PHF14: variants seen among roughly 807,000 people sequenced by gnomAD.
The protein encoded by PHF14 is PHD finger protein 14.
A neutral mutation model predicts 117.9 loss-of-function variants in PHF14; 55 were observed. The observed-to-expected ratio is 0.47, with a 90% confidence interval of 0.38 to 0.58. The LOEUF (loss-of-function observed/expected upper bound fraction) is 0.58. PHF14 is among the 20% of genes least tolerant of loss of function. PHF14 has a pLI of 0.00. For missense variants in PHF14, 978 were observed against 1,122.2 expected (o/e 0.87, Z 1.84); for synonymous variants, 409 against 368.6 (o/e 1.11, Z -1.26).
At chr7:11,137,711 G>A (rs1205591883) in intron 17 of PHF14, among the ~76,000 whole-genome samples, 2 of 146,056 alleles carry the variant, frequency 1.4e-5, no homozygotes, top group African/African-American at 2.5e-5. Flanking sequence ...TCAGCCTCCC[G>A]ATTAGGTGGG....
At chr7:11,055,423 C>T (rs1337095725) in intron 14 of PHF14, among the ~76,000 whole-genome samples, 6 of 152,120 alleles carry the variant, frequency 3.9e-5, no homozygotes, top group South Asian at 2.1e-4. Flanking sequence ...TTTACACACA[C>T]GCATGCATCA....
chr7:11,016,120 C>T (rs547687564), intron 5 of PHF14, among the ~76,000 whole-genome samples: 11 of 152,010 alleles, frequency 7.2e-5, no homozygotes, highest in South Asian at 2.1e-4. Context: ...ATACTGTGGA[C>T]GTTACATAAG....
Position 11,036,501 on chromosome 7 carries a change from G to A in PHF14, c.1686G>A (p.Arg562=), listed in dbSNP as rs1427013978. The A allele has an allele frequency of 1.2e-6, 2 of 1,613,892 alleles. No individual in the cohort carries two copies. Among genetic ancestry groups the A allele is most frequent in the Non-Finnish European group, 1.7e-6 (2 of 1,179,834 alleles). ...CCAGACCCCAGGCCTGGGTTCCAAG[G>A]GAAAAATTGCCCAGACCACTCACCA... ...RSTRPQAWVP[R]EKLPRPLTSS... Residue 562 remains arginine (R), a synonymous_variant, in exon 9 of 18, where the codon AGG becomes AGA. Coordinates refer to ENST00000634607, the MANE Select transcript of PHF14 (RefSeq NM_001007157.2).
intron 16 of PHF14, among the ~76,000 whole-genome samples, chr7:11,087,941 C>A (rs944544362): frequency 1.3e-5 from 2 of 152,116 alleles, no homozygotes; most frequent in African/African-American, 4.8e-5. Context: ...TTACCCAGGG[C>A]AATTATTTAT....
intron 17 of PHF14, among the ~76,000 whole-genome samples, chr7:11,148,729 C>A (rs1022956044): frequency 6.6e-6 from 1 of 152,094 alleles, no homozygotes; most frequent in Non-Finnish European, 1.5e-5. Flanking sequence ...AATAGACAAA[C>A]ATTTATATAA....
At chr7:11,036,888 A>G (rs374790837) in intron 9 of PHF14, 97 bp from the exon 10 acceptor site, 1 of 975,536 alleles carries the variant, frequency 1.0e-6, no homozygotes, top group Non-Finnish European at 1.5e-6. Flanking sequence ...GTTTTAAACT[A>G]TGTAGGTTTA....
At chr7:11,084,960 A>G (rs1249884467) in intron 16 of PHF14, among the ~76,000 whole-genome samples, 1 of 151,938 alleles carries the variant, frequency 6.6e-6, no homozygotes, top group African/African-American at 2.4e-5. Flanking sequence ...ATATCTTTGT[A>G]TAAGTTGCAA....
chr7:11,134,679 T>C (rs1465350409), intron 17 of PHF14, among the ~76,000 whole-genome samples: 1 of 152,080 alleles, frequency 6.6e-6, no homozygotes, highest in Non-Finnish European at 1.5e-5. Context: ...GTCAGTGTTC[T>C]TTCTGCCATC....
intron 16 of PHF14, chr7:11,111,039 G>A (rs759091091): frequency 5.4e-6 from 1 of 186,206 alleles, no homozygotes; most frequent in Non-Finnish European, 1.1e-5. Flanking sequence ...TGAAATTGTT[G>A]TGGTTGTTTT....
rs1284533786 is a variant in PHF14, at chr7:11,157,384, G to T, written c.2773-12032G>T. 8.5e-5 allele frequency among the ~76,000 whole-genome samples: 9 copies of T among 105,390 alleles called. No individual in the cohort carries two copies. The East Asian group carries it at 3.9e-3, about 45-fold the overall frequency. 69.1% of individuals were successfully genotyped at this position (105,390 alleles called of 152,430 possible). A position where few individuals can be genotyped will look rare whatever the true frequency, so the allele number is the denominator to read the frequency against. On this transcript the variant is annotated intron_variant, in intron 17 of 17. Coordinates refer to ENST00000634607, the MANE Select transcript of PHF14 (RefSeq NM_001007157.2). The stretch of plus-strand genomic sequence containing the variant: ...TCAATACAATAAAGTCTGTCAATGG[G>T]TTACCAAAAAAAAAAAATAGGTGTT...
rs111658295 is a variant in PHF14 at position 11,145,840 on chromosome 7, A to G, written c.2773-23576A>G. The stretch of plus-strand genomic sequence containing the variant: ...TTTAATTTTTTGCTCTTTTACTTCT[A>G]TCGTATACGTTATACATTACCATAT... On this transcript the variant is annotated intron_variant, in intron 17 of 17. Transcript: ENST00000634607. Among the ~76,000 whole-genome samples, 956 of 152,162 alleles carry G rather than the reference A, an allele frequency of 6.3e-3. 7 individuals carry two copies. The highest frequency in any genetic ancestry group is 0.022 in the African/African-American group (911 of 41,554).
At chr7:11,106,123 T>C in intron 16 of PHF14, 1 of 983,864 alleles carries the variant, frequency 1.0e-6, no homozygotes, top group Non-Finnish European at 1.2e-6. Flanking sequence ...ATGAATTGTT[T>C]TGTCTCATCT....
chr7:11,046,518 T>A (rs1784669392), intron 13 of PHF14, among the ~76,000 whole-genome samples: 1 of 152,198 alleles, frequency 6.6e-6, no homozygotes, highest in South Asian at 2.1e-4. Flanking sequence ...TTGTTTTTCT[T>A]GATAATTTGT....
intron 5 of PHF14, among the ~76,000 whole-genome samples, chr7:11,018,721 A>T (rs1783617491): frequency 6.6e-6 from 1 of 152,084 alleles, no homozygotes; most frequent in South Asian, 2.1e-4. Flanking sequence ...TCCAATTTGG[A>T]TGCCCTTTTT....
chr7:10,983,056 G>A lies in PHF14; in HGVS notation c.797G>A (p.Gly266Glu). The change falls in exon 3 of 18, where the codon GGG becomes GAG. Residue 266 changes from glycine to glutamate, a missense_variant. Around this residue, in one of 7 missense-constraint regions of PHF14, gnomAD observed 414 missense variants for 376.4 expected, o/e 1.10. Coordinates refer to ENST00000634607, the MANE Select transcript of PHF14 (RefSeq NM_001007157.2). ...DEDHSSPASE[G>E]GCKKKKSKVL... Reference sequence around the variant, plus strand: ...GATCATAGTAGCCCTGCCAGTGAAGGGGGTTGCAAGAAGAAGAAGAGTAAA... The same window carrying A: ...GATCATAGTAGCCCTGCCAGTGAAGAGGGTTGCAAGAAGAAGAAGAGTAAA... The A allele has an allele frequency of 3.8e-6, 6 of 1,597,070 alleles. No individual in the cohort carries two copies. Among genetic ancestry groups the A allele is most frequent in the Non-Finnish European group, 5.1e-6 (6 of 1,177,558 alleles).
intron 4 of PHF14, among the ~76,000 whole-genome samples, chr7:10,999,596 T>A (rs1782786102): frequency 6.6e-6 from 1 of 152,212 alleles, no homozygotes; most frequent in Non-Finnish European, 1.5e-5. Context: ...GTAGATTCAT[T>A]GTTCAGATAA....
chr7:11,066,989 A>G (rs1235302929), intron 16 of PHF14, among the ~76,000 whole-genome samples: 2 of 152,186 alleles, frequency 1.3e-5, no homozygotes, highest in Non-Finnish European at 2.9e-5. Context: ...AAAGTTAAAA[A>G]CTTTTGTGTG....
chr7:11,053,011 T>A (rs1286326570), intron 14 of PHF14, among the ~76,000 whole-genome samples: 1 of 152,116 alleles, frequency 6.6e-6, no homozygotes, highest in Non-Finnish European at 1.5e-5. Context: ...AGTTATGAAT[T>A]CTTAGGGCAT....
intron 3 of PHF14, among the ~76,000 whole-genome samples, chr7:10,985,645 T>TTTTG (rs1782196183): frequency 1.6e-5 from 2 of 121,362 alleles, no homozygotes; most frequent in Non-Finnish European, 3.4e-5. Flanking sequence ...ACTGTTTTTT[T>TTTTG]TTTTTTTTTT....
Sources: allele counts gnomAD v4.1 joint callset (sites outside exome capture counted in the v4.1 genomes callset), GRCh38; gene constraint gnomAD v4.1.1; regional missense constraint gnomAD v4.1.1; transcripts MANE v1.5; gene names NCBI Gene and HGNC (gene_info 2026-07-23, HGNC 2026-07-21).